DPYD: variants seen among roughly 807,000 people sequenced by gnomAD.
The protein encoded by DPYD is dihydropyrimidine dehydrogenase [NADP(+)].
Under a neutral mutation model 116.2 loss-of-function variants are expected in DPYD, and 109 were observed. The ratio of observed to expected loss-of-function variants is 0.94; its 90% CI spans 0.80 to 1.10. The LOEUF is 1.10. Ranked by LOEUF, DPYD falls within the 50% of genes least tolerant of loss-of-function variation. DPYD has a pLI of 0.00. For synonymous variants in DPYD, 440 were observed against 432.0 expected, an observed-to-expected ratio of 1.02 and a Z score of -0.23; for missense variants, 1,302 against 1,254.5, an observed-to-expected ratio of 1.04 and a Z score of -0.57.
At chr1:97,543,425 G>GCC (rs1650596849) in intron 12 of DPYD, among the ~76,000 whole-genome samples, 10 of 152,176 alleles carry the variant, frequency 6.6e-5, no homozygotes, top group South Asian at 6.2e-4. Context: ...TCCCAACATG[G>GCC]ATGTCTTCAA....
chr1:97,563,683 A>G (rs1237084645), intron 11 of DPYD, among the ~76,000 whole-genome samples: 2 of 152,322 alleles, frequency 1.3e-5, no homozygotes, highest in South Asian at 2.1e-4. Flanking sequence ...CTATGCAGTT[A>G]TTAGAGGGAA....
At chr1:97,344,131 T>TTC (rs1669719788) in intron 16 of DPYD, among the ~76,000 whole-genome samples, 1 of 151,780 alleles carries the variant, frequency 6.6e-6, no homozygotes, top group South Asian at 2.1e-4. Context: ...AACCCTAGAT[T>TTC]AAGTAAATGA....
At chr1:97,162,041 T>G (rs990802638) in intron 20 of DPYD, among the ~76,000 whole-genome samples, 6 of 151,842 alleles carry the variant, frequency 4.0e-5, no homozygotes, top group African/African-American at 1.5e-4. Flanking sequence ...TACGTGTGCA[T>G]GTGTCTTTAT....
At chr1:97,662,030 C>T (rs149657041) in intron 8 of DPYD, among the ~76,000 whole-genome samples, 10,040 of 140,622 alleles carry the variant, frequency 0.071, 536 homozygotes, top group East Asian at 0.27. Context: ...AGTCTCGCTC[C>T]GTCGCCCAGG....
chr1:97,525,161 TA>T (rs1648959545), intron 12 of DPYD, among the ~76,000 whole-genome samples: 1 of 152,218 alleles, frequency 6.6e-6, no homozygotes, highest in Admixed American at 6.5e-5. Context: ...AATAACCTCT[TA>T]ACTCATCCCT....
chr1:97,167,615 G>A (rs990537689), intron 20 of DPYD, among the ~76,000 whole-genome samples: 3 of 152,108 alleles, frequency 2.0e-5, no homozygotes, highest in African/African-American at 7.2e-5. Context: ...GGAAAGAAAT[G>A]CATTTTTTTC....
chr1:97,867,570 C>T (rs74317899), intron 2 of DPYD, among the ~76,000 whole-genome samples: 2 of 151,804 alleles, frequency 1.3e-5, no homozygotes, highest in Admixed American at 6.6e-5. Context: ...GTTCAACATA[C>T]ACAAATCAAT....
chr1:97,176,012 T>C (rs1302539709), intron 20 of DPYD, among the ~76,000 whole-genome samples: 1 of 152,188 alleles, frequency 6.6e-6, no homozygotes, highest in Non-Finnish European at 1.5e-5. Context: ...AGCTCTCAGA[T>C]GTTCTCTCGG....
intron 16 of DPYD, among the ~76,000 whole-genome samples, chr1:97,309,770 A>T (rs1667391225): frequency 6.6e-6 from 1 of 151,810 alleles, no homozygotes; most frequent in Admixed American, 6.6e-5. Context: ...TGCTGCAGTA[A>T]TGTCCATTAT....
chr1:97,829,363 C>G (rs1669411441), intron 2 of DPYD, among the ~76,000 whole-genome samples: 1 of 151,972 alleles, frequency 6.6e-6, no homozygotes, highest in African/African-American at 2.4e-5. Flanking sequence ...ATCCTTTTAA[C>G]AAACACACAC....
intron 13 of DPYD, among the ~76,000 whole-genome samples, chr1:97,464,289 A>G (rs991903088): frequency 9.9e-5 from 15 of 150,990 alleles, no homozygotes; most frequent in Non-Finnish European, 1.8e-4. Flanking sequence ...AAAATAAAGA[A>G]AAGAAAATTT....
chr1:97,378,691 C>G (rs1379642633), intron 15 of DPYD, among the ~76,000 whole-genome samples: 1 of 152,194 alleles, frequency 6.6e-6, no homozygotes, highest in East Asian at 1.9e-4. Flanking sequence ...GAACTGTATA[C>G]TTCTTTTTTA....
chr1:97,877,736 G>A (rs1477153685), intron 2 of DPYD, among the ~76,000 whole-genome samples: 1 of 151,934 alleles, frequency 6.6e-6, no homozygotes, highest in Non-Finnish European at 1.5e-5. Flanking sequence ...TGGGTATCTG[G>A]TGAAAAGTTT....
chr1:97,603,964 T>C (rs901616648), intron 8 of DPYD, among the ~76,000 whole-genome samples: 1 of 152,072 alleles, frequency 6.6e-6, no homozygotes, highest in African/African-American at 2.4e-5. Flanking sequence ...AAAACGGAAA[T>C]GAAAGCTAAG....
chr1:97,566,071 C>T (rs957837546), intron 11 of DPYD, among the ~76,000 whole-genome samples: 4 of 152,138 alleles, frequency 2.6e-5, no homozygotes, highest in African/African-American at 9.7e-5. Context: ...CACCCCCGTT[C>T]CACCTGGAAA....
chr1:97,713,884 T>G (rs1014455747), intron 5 of DPYD, among the ~76,000 whole-genome samples: 29 of 152,060 alleles, frequency 1.9e-4, no homozygotes, highest in Non-Finnish European at 4.0e-4. Context: ...TGATAAAACT[T>G]TGGGATAATA....
At chr1:97,203,674 C>CA (rs575950598) in intron 19 of DPYD, among the ~76,000 whole-genome samples, 31 of 18,190 alleles carry the variant, frequency 1.7e-3, no homozygotes, top group Admixed American at 3.2e-3. Context: ...CCCCCCCCCC[C>CA]AAAAAAAAAA....
At chr1:97,747,957 T>C (rs911160848) in intron 3 of DPYD, among the ~76,000 whole-genome samples, 3 of 152,204 alleles carry the variant, frequency 2.0e-5, no homozygotes, top group Non-Finnish European at 2.9e-5. Flanking sequence ...TGCATTTCTT[T>C]AGTAACTTAA....
chr1:97,894,006 G>A (rs944800822), intron 1 of DPYD, among the ~76,000 whole-genome samples: 4 of 151,912 alleles, frequency 2.6e-5, no homozygotes, highest in African/African-American at 7.2e-5. Context: ...TTCTGACATA[G>A]ACAATTTAGT....
Sources: gnomAD v4.1 joint callset for allele counts (sites outside exome capture counted in the v4.1 genomes callset) on GRCh38, gnomAD v4.1.1 for gene constraint, MANE v1.5 for transcripts, NCBI Gene and HGNC (gene_info 2026-07-23, HGNC 2026-07-21) for gene names.